The following ITPK1 variants were observed in gnomAD, a reference collection of about 807,000 sequenced individuals.
ITPK1 encodes the protein inositol-tetrakisphosphate 1-kinase, also known as inositol 1,3,4-trisphosphate 5/6-kinase.
ITPK1 carries 21 observed loss-of-function variants against 45.3 expected under a neutral mutation model. The observed-to-expected ratio is 0.46, with a 90% CI of 0.33 to 0.67. ITPK1 has a LOEUF of 0.67. ITPK1 is among the 30% of genes least tolerant of loss of function. The pLI is 0.02. For missense variants in ITPK1, 474 were observed against 573.5 expected, an observed-to-expected ratio of 0.83 and a Z score of 1.77; for synonymous variants, 258 against 253.6, an observed-to-expected ratio of 1.02 and a Z score of -0.16.
chr14:93,070,401 CT>C (rs1890945417), intron 3 of ITPK1: 1 of 152,360 alleles, frequency 6.6e-6, no homozygotes, highest in Non-Finnish European at 1.5e-5. Context: ...CCTAGCAAGG[CT>C]GATGCAGGCC....
chr14:92,990,349 A>T (rs2139802228), intron 5 of ITPK1, among the ~76,000 whole-genome samples: 1 of 151,866 alleles, frequency 6.6e-6, no homozygotes, highest in African/African-American at 2.4e-5. Flanking sequence ...ATCACCCAGG[A>T]CCAGATGGGC....
chr14:93,027,041 A>G (rs1329858687), intron 3 of ITPK1, among the ~76,000 whole-genome samples: 1 of 152,210 alleles, frequency 6.6e-6, no homozygotes, highest in Non-Finnish European at 1.5e-5. Context: ...TGGTTTCATT[A>G]TATATTTCAT....
Position 92,941,796 on chromosome 14 carries a change from C to G in ITPK1, c.1010G>C (p.Arg337Thr). The change falls in exon 11 of 11, where the codon AGG (arginine) becomes ACG (threonine). Residue 337 changes from arginine to threonine, a missense_variant. Arg to Thr is a moderately conservative substitution (Grantham distance 71). Around this residue, in one of 2 missense-constraint regions of ITPK1, gnomAD observed 367 missense variants for 480.6 expected, o/e 0.76. Transcript: ENST00000267615. ...CGGCTCGGCCAGAAGCTTGCTGTGC[C>G]TCAGCAGGGCCACGTCCCCTGTGGC... is the stretch of plus-strand genomic sequence containing the variant. ...MAATGDVALLRHSKLLAEPAG... is the reference protein window; with the variant it reads ...MAATGDVALLTHSKLLAEPAG... The G allele has an allele frequency of 6.2e-7, 1 of 1,611,062 alleles. No individual in the cohort carries two copies. Among genetic ancestry groups the G allele is most frequent in the South Asian group, 1.1e-5 (1 of 90,776 alleles).
intron 3 of ITPK1, among the ~76,000 whole-genome samples, chr14:93,055,585 A>G (rs74871190): frequency 0.034 from 5,237 of 152,094 alleles, 315 homozygotes; most frequent in African/African-American, 0.12. Context: ...CAGAACAGAT[A>G]CTCAAGGGAC....
chr14:93,086,053 T>G lies in ITPK1; in HGVS notation c.96-9434A>C, dbSNP rs552924011. Among the ~76,000 whole-genome samples, 3 of 152,158 alleles carry G rather than the reference T, an allele frequency of 2.0e-5. No individual in the cohort carries two copies. The East Asian group carries it at 5.8e-4, about 29-fold the overall frequency. Reference sequence around the variant, plus strand: ...TTCAGTTGGTTCTCTTCACAGCAGCTTCTTAATCCCAAGAATGCAAAGTCA... The same window carrying G: ...TTCAGTTGGTTCTCTTCACAGCAGCGTCTTAATCCCAAGAATGCAAAGTCA... On this transcript the variant is annotated intron_variant, in intron 2 of 10. Transcript: ENST00000267615.
chr14:93,047,053 G>A (rs918093912), intron 3 of ITPK1, among the ~76,000 whole-genome samples: 1 of 152,242 alleles, frequency 6.6e-6, no homozygotes, highest in Non-Finnish European at 1.5e-5. Context: ...GGACCGAACT[G>A]GGAGAGAAGA....
chr14:92,969,485 C>A (rs921601791), intron 5 of ITPK1, among the ~76,000 whole-genome samples: 1 of 152,142 alleles, frequency 6.6e-6, no homozygotes. Context: ...AACCTGAGAA[C>A]GCTCCAGCTG....
At chr14:93,075,498 G>A (rs1313908710) in intron 3 of ITPK1, among the ~76,000 whole-genome samples, 5 of 152,068 alleles carry the variant, frequency 3.3e-5, no homozygotes, top group Admixed American at 3.3e-4. Flanking sequence ...GTCTTCCAGT[G>A]ACAAGTTCAA....
intron 5 of ITPK1, among the ~76,000 whole-genome samples, chr14:92,971,871 T>C (rs2139763122): frequency 6.6e-6 from 1 of 152,310 alleles, no homozygotes; most frequent in Non-Finnish European, 1.5e-5. Context: ...CCTGTTTCCA[T>C]GGATGCCCAC....
At chr14:92,999,870 AT>A (rs1887250705) in intron 4 of ITPK1, among the ~76,000 whole-genome samples, 1 of 152,242 alleles carries the variant, frequency 6.6e-6, no homozygotes. Context: ...GAACGTTTTC[AT>A]CCCATCCGAA....
At chr14:92,964,207 G>A (rs1885229939) in intron 5 of ITPK1, among the ~76,000 whole-genome samples, 1 of 152,226 alleles carries the variant, frequency 6.6e-6, no homozygotes, top group African/African-American at 2.4e-5. Flanking sequence ...CACTGGGAGG[G>A]TGGTCTGGAG....
intron 9 of ITPK1, among the ~76,000 whole-genome samples, chr14:92,950,563 C>T (rs895645058): frequency 2.0e-5 from 3 of 152,226 alleles, no homozygotes; most frequent in Non-Finnish European, 4.4e-5. Flanking sequence ...CTAGGCTGAC[C>T]CCTTCCCGTT....
chr14:93,013,654 GCT>G (rs765166881), intron 4 of ITPK1, among the ~76,000 whole-genome samples: 240 of 152,312 alleles, frequency 1.6e-3, no homozygotes, highest in Non-Finnish European at 2.5e-3. Flanking sequence ...CGGTTTCCCT[GCT>G]CACAACAAAA....
rs117281503 is a variant in ITPK1, at chr14:93,012,680, G to T, written c.246+3996C>A. On this transcript the variant is annotated intron_variant, in intron 4 of 10. Transcript: ENST00000267615. This position sits in a 1 kb window ranked among gnomAD's most constrained non-coding sequence, Gnocchi z 4.9. ...GGGCAGGGCACCCAGCAGTGCTGCC[G>T]CAGAGGACACTCTCCTAGCAGTCTG... Among the ~76,000 whole-genome samples, 83 of 152,302 alleles carry T rather than the reference G, an allele frequency of 5.4e-4. No individual in the cohort carries two copies. The highest frequency in any genetic ancestry group is 8.5e-4 in the Non-Finnish European group (58 of 68,022).
At chr14:93,095,862 C>T (rs1210253629) in intron 2 of ITPK1, among the ~76,000 whole-genome samples, 1 of 152,034 alleles carries the variant, frequency 6.6e-6, no homozygotes, top group Non-Finnish European at 1.5e-5. Context: ...GTTTTCTGTT[C>T]CTGCGTTAAT....
chr14:93,064,855 G>C (rs1354672572), intron 3 of ITPK1, among the ~76,000 whole-genome samples: 2 of 152,218 alleles, frequency 1.3e-5, no homozygotes, highest in Non-Finnish European at 2.9e-5. Context: ...CTTGAGCTGA[G>C]GGTGGATCAA....
rs909830819 is a variant in ITPK1, at chr14:93,115,771, CCCG to C, written c.-145_-143del. The C allele has an allele frequency of 5.4e-3, 801 of 149,658 alleles. 10 individuals are homozygous for C. Among genetic ancestry groups the C allele is most frequent in the African/African-American group, 0.018 (760 of 41,084 alleles). The allele number at this position is 149,658 out of a possible 1,614,324, so 9.3% of individuals were successfully genotyped here. A position where few individuals can be genotyped will look rare whatever the true frequency, so the allele number is the denominator to read the frequency against. On this transcript the variant is annotated splice_region_variant and 5_prime_UTR_variant, in exon 1 of 11. Coordinates refer to ENST00000267615, the MANE Select transcript of ITPK1 (RefSeq NM_014216.6). Reference sequence around the variant, plus strand: ...CACTCGGCCCGGCCAGAGATCCTCACCCGCCGCCGCCGCCGCCACTTCCTCCTC... The same window carrying C: ...CACTCGGCCCGGCCAGAGATCCTCACCCGCCGCCGCCGCCACTTCCTCCTC...
chr14:93,083,230 T>C (rs1891512675), intron 2 of ITPK1, among the ~76,000 whole-genome samples: 1 of 152,072 alleles, frequency 6.6e-6, no homozygotes, highest in African/African-American at 2.4e-5. Context: ...CACTCTGGGA[T>C]GACAGACCCC....
In ITPK1 at chr14:92,941,501, T is replaced by C; in HGVS notation, c.*60A>G. ...TAGTAGTAGCATCGCCGTTGGGAGC[T>C]GCTGGCCCAGCGGGTGTGCTCTGCG... On this transcript the variant is annotated 3_prime_UTR_variant, in exon 11 of 11. Transcript: ENST00000267615. The C allele has an allele frequency of 6.9e-7, 1 of 1,457,012 alleles. No individual in the cohort carries two copies. 90.3% of individuals were successfully genotyped at this position (1,457,012 alleles called of 1,614,324 possible). A position where few individuals can be genotyped will look rare whatever the true frequency, so the allele number is the denominator to read the frequency against.
Sources: allele counts gnomAD v4.1 joint callset (sites outside exome capture counted in the v4.1 genomes callset), GRCh38; gene constraint gnomAD v4.1.1; regional missense constraint gnomAD v4.1.1; non-coding constraint Gnocchi (gnomAD v3.1); transcripts MANE v1.5; gene names NCBI Gene and HGNC (gene_info 2026-07-23, HGNC 2026-07-21).